The following GAN variants were observed in gnomAD, a reference collection of about 807,000 sequenced individuals.
GAN encodes the protein epididymis secretory sperm binding protein.
In GAN, 48 loss-of-function variants were observed where a neutral mutation model predicts 71.3. The observed-to-expected ratio is 0.67, with a 90% confidence interval of 0.53 to 0.86. GAN has a LOEUF of 0.86. Ranked by LOEUF, GAN falls within the 40% of genes least tolerant of loss-of-function variation. GAN has a pLI of 0.00. For synonymous variants in GAN, 386 were observed against 276.8 expected (o/e 1.39, Z -3.92); for missense variants, 928 against 770.1 (o/e 1.21, Z -2.43).
At chr16:81,358,821 T>C (rs1910576594) in intron 5 of GAN, among the ~76,000 whole-genome samples, 1 of 152,224 alleles carries the variant, frequency 6.6e-6, no homozygotes, top group African/African-American at 2.4e-5. Flanking sequence ...CTTTTCGCCG[T>C]GGTCCTGCTC....
chr16:81,385,769 C>CTTTTTTT lies in GAN; in HGVS notation c.*8187_*8193dup, dbSNP rs11461340. The CTTTTTTT allele has an allele frequency of 8.0e-6, 1 of 124,394 alleles. No individual in the cohort carries two copies. Among genetic ancestry groups the CTTTTTTT allele is most frequent in the African/African-American group, 3.0e-5 (1 of 33,714 alleles). 7.7% of individuals were successfully genotyped at this position (124,394 alleles called of 1,614,324 possible). A position where few individuals can be genotyped will look rare whatever the true frequency, so the allele number is the denominator to read the frequency against. ...ATTAGAAGTTGGTGTTCATAAAATA[C>CTTTTTTT]TTTTTTTTTTTTTTTTTTTTGAGAT... On this transcript the variant is annotated 3_prime_UTR_variant, in exon 11 of 11. Coordinates refer to ENST00000648994, the MANE Select transcript of GAN (RefSeq NM_022041.4).
At chr16:81,359,331 G>A (rs527560499) in intron 5 of GAN, among the ~76,000 whole-genome samples, 7 of 151,754 alleles carry the variant, frequency 4.6e-5, no homozygotes, top group Middle Eastern at 7.0e-3. Flanking sequence ...TGGAAGGAGC[G>A]ACTGTGTACA....
At chr16:81,359,866 T>A (rs141701163) in intron 5 of GAN, among the ~76,000 whole-genome samples, 2 of 152,364 alleles carry the variant, frequency 1.3e-5, no homozygotes, top group Admixed American at 6.5e-5. Context: ...GTAATAGTTA[T>A]GTGAATGTGG....
chr16:81,351,400 G>T (rs1910294378), intron 1 of GAN, among the ~76,000 whole-genome samples, 183 bp from the exon 2 acceptor site: 1 of 151,970 alleles, frequency 6.6e-6, no homozygotes, highest in African/African-American at 2.4e-5. Context: ...TGGGATCCTG[G>T]GACCAATGTT....
chr16:81,349,839 C>T (rs186404254), intron 1 of GAN, among the ~76,000 whole-genome samples: 24 of 152,184 alleles, frequency 1.6e-4, no homozygotes, highest in African/African-American at 5.8e-4. Flanking sequence ...CTTTTCTTTT[C>T]TTAGAAAACA....
At chr16:81,327,476 G>A (rs1290193971) in intron 1 of GAN, among the ~76,000 whole-genome samples, 3 of 152,236 alleles carry the variant, frequency 2.0e-5, no homozygotes, top group East Asian at 1.9e-4. Context: ...AAGGAAAAAG[G>A]GGGCAGTCTC....
chr16:81,374,882 C>T (rs764477039), intron 9 of GAN, among the ~76,000 whole-genome samples: 1 of 152,158 alleles, frequency 6.6e-6, no homozygotes, highest in Non-Finnish European at 1.5e-5. Flanking sequence ...AAAGAAAAGC[C>T]TTTAGCAAAT....
chr16:81,337,033 A>G (rs1288216056), intron 1 of GAN, among the ~76,000 whole-genome samples: 2 of 152,022 alleles, frequency 1.3e-5, no homozygotes, highest in East Asian at 3.9e-4. Flanking sequence ...ACATGGATCC[A>G]CTATTACAGT....
In GAN at chr16:81,359,409, T is replaced by TG. The variant is rs1227437859; in HGVS notation, c.973+1478_973+1479insG. Among the ~76,000 whole-genome samples the TG allele has an allele frequency of 9.5e-3, 1,427 of 150,068 alleles. 11 individuals carry two copies. The highest frequency in any genetic ancestry group is 0.031 in the Middle Eastern group (9 of 292). ...TCCGTTTGTCCAGGCTGCATTGTTT[T>TG]TTTTTTTTTTTTTGCCTTTTTAAAA... On this transcript the variant is annotated intron_variant, in intron 5 of 10. Coordinates refer to ENST00000648994, the MANE Select transcript of GAN (RefSeq NM_022041.4).
intron 1 of GAN, among the ~76,000 whole-genome samples, chr16:81,339,392 C>G (rs980544057): frequency 6.6e-6 from 1 of 152,176 alleles, no homozygotes; most frequent in Non-Finnish European, 1.5e-5. Context: ...TACCTAAGGT[C>G]ATCAGAAAAA....
rs1386549250 is a variant in GAN at position 81,390,463 on chromosome 16, G to A, written c.*12867G>A. 1 of 152,182 alleles carries A rather than the reference G, an allele frequency of 6.6e-6. No homozygotes were observed. Among genetic ancestry groups the A allele is most frequent in the African/African-American group, 2.4e-5 (1 of 41,440 alleles). 9.4% of individuals were successfully genotyped at this position (152,182 alleles called of 1,614,324 possible). A position where few individuals can be genotyped will look rare whatever the true frequency, so the allele number is the denominator to read the frequency against. On this transcript the variant is annotated 3_prime_UTR_variant, in exon 11 of 11. Transcript: ENST00000648994. ...TTTGTTAACCTAAATTAAGTAGCACGCACTTTGTTTACATGCTTCAGTATA... is the reference window on the plus strand; with the variant it reads ...TTTGTTAACCTAAATTAAGTAGCACACACTTTGTTTACATGCTTCAGTATA...
In GAN at chr16:81,380,549, G is replaced by A. The variant is rs1218547669; in HGVS notation, c.*2953G>A. On this transcript the variant is annotated 3_prime_UTR_variant, in exon 11 of 11. Transcript: ENST00000648994. Reference sequence around the variant, plus strand: ...TATCCTGTGAATAGAAAAAGTGTGAGAGATGAATGAGTGAGTTGTACGTGT... The same window carrying A: ...TATCCTGTGAATAGAAAAAGTGTGAAAGATGAATGAGTGAGTTGTACGTGT... The A allele has an allele frequency of 6.6e-6, 1 of 152,168 alleles. No individual in the cohort carries two copies. Among genetic ancestry groups the A allele is most frequent in the African/African-American group, 2.4e-5 (1 of 41,442 alleles). 9.4% of individuals were successfully genotyped at this position (152,168 alleles called of 1,614,324 possible).
chr16:81,322,082 A>C (rs1909241241), intron 1 of GAN, among the ~76,000 whole-genome samples: 2 of 152,218 alleles, frequency 1.3e-5, no homozygotes, highest in Non-Finnish European at 2.9e-5. Context: ...AGAGTGACTT[A>C]GCCATAGAAT....
rs2150702877 is a variant in GAN at position 81,384,594 on chromosome 16, G to A, written c.*6998G>A. ...ATACTATTTTTTTCATTTCTTATAA[G>A]GTGCTATTGTTTCCCAGAAATCTTT... On this transcript the variant is annotated 3_prime_UTR_variant, in exon 11 of 11. Coordinates refer to ENST00000648994, the MANE Select transcript of GAN (RefSeq NM_022041.4). The A allele has an allele frequency of 6.6e-6, 1 of 152,152 alleles. No individual in the cohort carries two copies. The highest frequency in any genetic ancestry group is 1.9e-4 in the East Asian group (1 of 5,188). 9.4% of individuals were successfully genotyped at this position (152,152 alleles called of 1,614,324 possible). A position where few individuals can be genotyped will look rare whatever the true frequency, so the allele number is the denominator to read the frequency against.
intron 5 of GAN, among the ~76,000 whole-genome samples, chr16:81,360,046 G>C: frequency 7.1e-6 from 1 of 140,906 alleles, no homozygotes; most frequent in African/African-American, 2.7e-5. Context: ...TGGATGGATG[G>C]ATGGATGGAT....
At position 81,381,752 on chromosome 16, in the gene GAN, A is replaced by G. The variant is rs923281825; in HGVS notation, c.*4156A>G. 5 of 152,244 alleles carry G rather than the reference A, an allele frequency of 3.3e-5. No individual in the cohort carries two copies. The highest frequency in any genetic ancestry group is 5.9e-5 in the Non-Finnish European group (4 of 68,054). 9.4% of individuals were successfully genotyped at this position (152,244 alleles called of 1,614,324 possible). On this transcript the variant is annotated 3_prime_UTR_variant, in exon 11 of 11. Coordinates refer to ENST00000648994, the MANE Select transcript of GAN (RefSeq NM_022041.4). ...TAGGCAATAAACATTTGACAAATAAATATAAGATTCTTGTGATCAAAGTAA... is the reference window on the plus strand; with the variant it reads ...TAGGCAATAAACATTTGACAAATAAGTATAAGATTCTTGTGATCAAAGTAA...
At chr16:81,337,330 A>T (rs997410534) in intron 1 of GAN, among the ~76,000 whole-genome samples, 2 of 152,118 alleles carry the variant, frequency 1.3e-5, no homozygotes, top group Admixed American at 1.3e-4. Flanking sequence ...TCACCCCCAA[A>T]TTTCTGCAAA....
chr16:81,361,125 C>T (rs915349509), intron 5 of GAN, among the ~76,000 whole-genome samples: 1 of 151,932 alleles, frequency 6.6e-6, no homozygotes, highest in Non-Finnish European at 1.5e-5. Flanking sequence ...TTCAGGAGGG[C>T]GATGCAGGAG....
chr16:81,334,159 ATACAAAATGC>A (rs1301694511), intron 1 of GAN, among the ~76,000 whole-genome samples: 18 of 152,366 alleles, frequency 1.2e-4, no homozygotes, highest in African/African-American at 4.1e-4. Context: ...GCAAAGCTAA[ATACAAAATGC>A]TACATTATAT....
Sources: allele counts gnomAD v4.1 joint callset (sites outside exome capture counted in the v4.1 genomes callset), GRCh38; gene constraint gnomAD v4.1.1; transcripts MANE v1.5; gene names NCBI Gene and HGNC (gene_info 2026-07-23, HGNC 2026-07-21).